The following FKBP5 variants were observed in gnomAD, a reference collection of about 807,000 sequenced individuals.
FKBP5 encodes peptidyl-prolyl cis-trans isomerase FKBP5.
In FKBP5, 23 loss-of-function variants were observed where a neutral mutation model predicts 50.5. That is an observed-to-expected ratio of 0.46 (90% CI 0.33 to 0.65). The LOEUF (loss-of-function observed/expected upper bound fraction) is 0.65. Ranked by LOEUF, FKBP5 falls within the 30% of genes least tolerant of loss-of-function variation. The probability of loss-of-function intolerance (pLI) is 0.02; values close to 1 mark genes in which losing one functional copy is unlikely to be tolerated. For synonymous variants in FKBP5, 176 were observed against 190.6 expected (o/e 0.92, Z 0.63); for missense variants, 411 against 553.1 (o/e 0.74, Z 2.58).
At chr6:35,605,062 C>T (rs886419583) in intron 5 of FKBP5, among the ~76,000 whole-genome samples, 1 of 152,060 alleles carries the variant, frequency 6.6e-6, no homozygotes, top group African/African-American at 2.4e-5. Context: ...GGATTACAGG[C>T]GTGAGCCACC....
rs1406802028 is a variant in FKBP5 at position 35,574,977 on chromosome 6, G to A, written c.*858C>T. The A allele has an allele frequency of 1.3e-5, 2 of 152,210 alleles. No homozygotes were observed. Among genetic ancestry groups the A allele is most frequent in the Non-Finnish European group, 2.9e-5 (2 of 68,044 alleles). 9.4% of individuals were successfully genotyped at this position (152,210 alleles called of 1,614,324 possible). A position where few individuals can be genotyped will look rare whatever the true frequency, so the allele number is the denominator to read the frequency against. ...TAGCAATGCTGGGAGGAAGTACTGTGTATTGAATATTATTCCCTAAAAGGA... is the reference window on the plus strand; with the variant it reads ...TAGCAATGCTGGGAGGAAGTACTGTATATTGAATATTATTCCCTAAAAGGA... On this transcript the variant is annotated 3_prime_UTR_variant, in exon 11 of 11. Transcript: ENST00000357266.
intron 1 of FKBP5, among the ~76,000 whole-genome samples, chr6:35,688,497 G>A (rs1765901207): frequency 1.3e-5 from 2 of 151,742 alleles, no homozygotes; most frequent in Non-Finnish European, 2.9e-5. Context: ...CCTCTGCCGG[G>A]AGAGGCCGGC....
At chr6:35,641,619 T>C (rs940113961) in intron 2 of FKBP5, among the ~76,000 whole-genome samples, 1 of 152,114 alleles carries the variant, frequency 6.6e-6, no homozygotes, top group African/African-American at 2.4e-5. Context: ...CTTTAATAAG[T>C]AGGAAAGCTA....
chr6:35,716,523 G>C (rs1766514918), intron 2 of FKBP5, among the ~76,000 whole-genome samples: 2 of 151,976 alleles, frequency 1.3e-5, no homozygotes, highest in South Asian at 2.1e-4. Context: ...ATGTTCCCCA[G>C]TCTCTCACAC....
In FKBP5 at chr6:35,585,159, C is replaced by CTGTTAATATTCTATTTGGAAGTATT. The variant is rs1311690263; in HGVS notation, c.840+1850_840+1874dup. The CTGTTAATATTCTATTTGGAAGTATT allele has an allele frequency of 3.1e-6, 3 of 980,400 alleles. No homozygotes were observed. In the African/African-American group the frequency reaches 5.3e-5, roughly 17 times the overall value. 60.7% of individuals were successfully genotyped at this position (980,400 alleles called of 1,614,324 possible). A position where few individuals can be genotyped will look rare whatever the true frequency, so the allele number is the denominator to read the frequency against. On this transcript the variant is annotated intron_variant, in intron 8 of 10. Coordinates refer to ENST00000357266, the MANE Select transcript of FKBP5 (RefSeq NM_004117.4). Reference sequence around the variant, plus strand: ...GCCAAAAGCCTCAAATCTTCCCAAACTGTTAATATTCTATTTGGAAGTATT... The same window carrying CTGTTAATATTCTATTTGGAAGTATT: ...GCCAAAAGCCTCAAATCTTCCCAAACTGTTAATATTCTATTTGGAAGTATTTGTTAATATTCTATTTGGAAGTATT...
intron 5 of FKBP5, among the ~76,000 whole-genome samples, chr6:35,617,826 A>G (rs551531295): frequency 2.0e-5 from 3 of 152,358 alleles, no homozygotes; most frequent in Admixed American, 2.0e-4. Flanking sequence ...AGTGGTACAT[A>G]TAATTTGCTC....
chr6:35,711,852 T>C (rs963633724), intron 2 of FKBP5, among the ~76,000 whole-genome samples: 4 of 152,118 alleles, frequency 2.6e-5, no homozygotes, highest in African/African-American at 9.7e-5. Flanking sequence ...ACTAGTCTGG[T>C]ACATTATGTT....
intron 5 of FKBP5, among the ~76,000 whole-genome samples, chr6:35,605,379 A>T (rs1037663089): frequency 2.3e-5 from 3 of 128,364 alleles, no homozygotes; most frequent in African/African-American, 8.7e-5. Flanking sequence ...ACCTATGACA[A>T]TATCTTTTTT....
At chr6:35,725,453 G>A (rs1766688492) in intron 1 of FKBP5, among the ~76,000 whole-genome samples, 1 of 152,206 alleles carries the variant, frequency 6.6e-6, no homozygotes, top group Admixed American at 6.5e-5. Context: ...TCCAGACCTG[G>A]TGTGGAGACT....
At chr6:35,580,999 T>C in intron 8 of FKBP5, 5 of 985,118 alleles carry the variant, frequency 5.1e-6, no homozygotes, top group Non-Finnish European at 6.0e-6. Context: ...CCAGTCTCTG[T>C]TGCAACTACT....
At chr6:35,677,482 T>G (rs781012391) in intron 1 of FKBP5, among the ~76,000 whole-genome samples, 1 of 152,192 alleles carries the variant, frequency 6.6e-6, no homozygotes, top group Non-Finnish European at 1.5e-5. Flanking sequence ...CTTTCTCCCA[T>G]GAAAACACTA....
intron 1 of FKBP5, among the ~76,000 whole-genome samples, chr6:35,657,545 C>G (rs1045642231): frequency 6.6e-6 from 1 of 152,204 alleles, no homozygotes. Flanking sequence ...TAAGAACCCA[C>G]GTGATTAAGT....
At position 35,618,316 on chromosome 6, in the gene FKBP5, C is replaced by A. The variant is rs1158344911; in HGVS notation, c.508+780G>T. On this transcript the variant is annotated intron_variant, in intron 5 of 10. Transcript: ENST00000357266. ...TTGTAGAGGCTGGTAGCATGCCTGA[C>A]ACGTAGATGTTGAATTAATATTTAC... Among the ~76,000 whole-genome samples, 6 of 152,164 alleles carry A rather than the reference C, an allele frequency of 3.9e-5. No individual in the cohort carries two copies. The South Asian group carries it at 1.2e-3, about 32-fold the overall frequency.
intron 6 of FKBP5, among the ~76,000 whole-genome samples, chr6:35,595,690 A>T (rs1762964310): frequency 6.6e-6 from 1 of 152,164 alleles, no homozygotes; most frequent in East Asian, 1.9e-4. Flanking sequence ...GGTTGAGGCT[A>T]CAGTGAGCGT....
chr6:35,667,393 G>C (rs1338304473), intron 1 of FKBP5, among the ~76,000 whole-genome samples: 4 of 152,120 alleles, frequency 2.6e-5, no homozygotes, highest in Admixed American at 2.6e-4. Flanking sequence ...ACTTACAAGT[G>C]TGTGCTCTCA....
upstream of FKBP5, among the ~76,000 whole-genome samples, chr6:35,692,664 G>A (rs570579980): frequency 1.3e-4 from 20 of 151,750 alleles, no homozygotes; most frequent in African/African-American, 4.3e-4. Context: ...CTGGGCGTGC[G>A]CCTGTAGTCC....
chr6:35,581,096 C>CA, intron 8 of FKBP5: 2 of 965,108 alleles, frequency 2.1e-6, no homozygotes, highest in Non-Finnish European at 2.5e-6. Flanking sequence ...ACTGTACTTA[C>CA]AAAAACAGGC....
chr6:35,587,153 G>T (rs1294806352), intron 7 of FKBP5, 36 bp from the exon 8 acceptor site: 7 of 1,590,598 alleles, frequency 4.4e-6, no homozygotes, highest in Non-Finnish European at 5.2e-6. Context: ...TAGATGAACA[G>T]AGAGAAAAGC....
At chr6:35,620,972 T>C (rs2150978343) in intron 3 of FKBP5, among the ~76,000 whole-genome samples, 1 of 152,198 alleles carries the variant, frequency 6.6e-6, no homozygotes, top group South Asian at 2.1e-4. Flanking sequence ...AGGAAGCTTA[T>C]AATTTAGTTG....
Sources: gnomAD v4.1 joint callset for allele counts (sites outside exome capture counted in the v4.1 genomes callset) on GRCh38, gnomAD v4.1.1 for gene constraint, MANE v1.5 for transcripts, NCBI Gene and HGNC (gene_info 2026-07-23, HGNC 2026-07-21) for gene names.